PRKAR1B: variants seen among roughly 807,000 people sequenced by gnomAD.
The protein encoded by PRKAR1B is protein kinase cAMP-dependent type I regulatory subunit beta, also known as cAMP-dependent protein kinase type I-beta regulatory subunit.
Under a neutral mutation model 46.5 loss-of-function variants are expected in PRKAR1B, and 22 were observed. That is an observed-to-expected ratio of 0.47 (90% CI 0.34 to 0.68). PRKAR1B has a LOEUF of 0.68. Among genes scored for constraint, PRKAR1B ranks in the 30% least tolerant of loss-of-function variants. The pLI is 0.01. For synonymous variants in PRKAR1B, 259 were observed against 217.7 expected, an observed-to-expected ratio of 1.19 and a Z score of -1.67; for missense variants, 445 against 535.6, an observed-to-expected ratio of 0.83 and a Z score of 1.67.
At chr7:658,518 A>T (rs968996642) in intron 4 of PRKAR1B, among the ~76,000 whole-genome samples, 1 of 152,362 alleles carries the variant, frequency 6.6e-6, no homozygotes, top group African/African-American at 2.4e-5. Context: ...AAAATAGATC[A>T]GGGTCGGGAG....
chr7:657,016 G>C (rs1315893523), intron 4 of PRKAR1B, among the ~76,000 whole-genome samples: 2 of 151,284 alleles, frequency 1.3e-5, no homozygotes, highest in Admixed American at 1.3e-4. Context: ...TGGACGGATG[G>C]ATGGATGAAT....
At chr7:664,938 G>C (rs371983146) in intron 4 of PRKAR1B, among the ~76,000 whole-genome samples, 2 of 151,996 alleles carry the variant, frequency 1.3e-5, no homozygotes, top group African/African-American at 4.8e-5. Context: ...AAAAATCTCA[G>C]GGCACCAAAC....
intron 2 of PRKAR1B, among the ~76,000 whole-genome samples, chr7:693,767 G>T (rs971387140): frequency 6.6e-6 from 1 of 152,180 alleles, no homozygotes; most frequent in African/African-American, 2.4e-5. Flanking sequence ...GTACCTAGGA[G>T]TGGCACTGCT....
In PRKAR1B at chr7:680,013, CT is replaced by C. The variant is rs373464750; in HGVS notation, c.348+542del. Among the ~76,000 whole-genome samples the C allele has an allele frequency of 6.0e-3, 919 of 152,134 alleles. 8 individuals carry two copies. Among genetic ancestry groups the C allele is most frequent in the African/African-American group, 0.021 (852 of 41,484 alleles). On this transcript the variant is annotated intron_variant, in intron 3 of 10. Transcript: ENST00000537384. ...CTTTACTAAAAATACAAAAAATTAG[CT>C]GGGTGTGGTGGTAGGCACCTGTAGT...
At chr7:562,985 G>A (rs1226071667) in intron 9 of PRKAR1B, among the ~76,000 whole-genome samples, 2 of 152,176 alleles carry the variant, frequency 1.3e-5, no homozygotes, top group East Asian at 3.8e-4. Flanking sequence ...TACTGACCAG[G>A]GTGCTGGACA....
intron 7 of PRKAR1B, among the ~76,000 whole-genome samples, chr7:588,183 C>T (rs1489780191): frequency 3.3e-5 from 5 of 152,208 alleles, no homozygotes; most frequent in Admixed American, 3.3e-4. Context: ...GGCTTGAGCC[C>T]AACTTCCATG....
intron 6 of PRKAR1B, 140 bp from the exon 7 acceptor site, chr7:596,444 G>A: frequency 2.8e-6 from 3 of 1,064,934 alleles, no homozygotes; most frequent in East Asian, 2.6e-5. Flanking sequence ...CTTGTGGGCA[G>A]AGCCCTGCGT....
At chr7:562,460 A>G (rs1228794858) in intron 9 of PRKAR1B, among the ~76,000 whole-genome samples, 4 of 151,852 alleles carry the variant, frequency 2.6e-5, no homozygotes, top group African/African-American at 4.8e-5. Flanking sequence ...GACGGCAGAC[A>G]CCTCCCTCGG....
intron 7 of PRKAR1B, among the ~76,000 whole-genome samples, chr7:588,604 T>C (rs1415948887): frequency 8.6e-5 from 10 of 116,704 alleles, no homozygotes; most frequent in Non-Finnish European, 1.8e-4. Flanking sequence ...ACGGTGGTGA[T>C]GGTGATGGTG....
rs577588260 is a variant in PRKAR1B, at chr7:642,533, G to A, written c.440+34696C>T. ...GAGGTCAGGAGATCGAGACCATCCC[G>A]GCTAAAACGGTGAAACCCCGTCTCT... On this transcript the variant is annotated intron_variant, in intron 4 of 10. Coordinates refer to ENST00000537384, the MANE Select transcript of PRKAR1B (RefSeq NM_001164760.2). 4.4e-3 allele frequency among the ~76,000 whole-genome samples: 668 copies of A among 152,044 alleles called. 6 individuals are homozygous for A. The highest frequency in any genetic ancestry group is 7.7e-3 in the Non-Finnish European group (522 of 67,972).
intron 2 of PRKAR1B, among the ~76,000 whole-genome samples, chr7:705,416 C>T (rs570751481): frequency 1.3e-5 from 2 of 151,646 alleles, no homozygotes; most frequent in Non-Finnish European, 2.9e-5. Flanking sequence ...GCTGCCGATA[C>T]TGAGGAACAA....
At chr7:699,785 C>T (rs1484266595) in intron 2 of PRKAR1B, among the ~76,000 whole-genome samples, 1 of 152,114 alleles carries the variant, frequency 6.6e-6, no homozygotes, top group Non-Finnish European at 1.5e-5. Context: ...AGCCAGACCC[C>T]GTGAGGCAGG....
chr7:583,482 CACACACGT>C (rs1478012490), intron 8 of PRKAR1B, among the ~76,000 whole-genome samples: 1 of 110,268 alleles, frequency 9.1e-6, no homozygotes, highest in Non-Finnish European at 2.1e-5. Flanking sequence ...CACACCCACG[CACACACGT>C]GTGTGCACAC....
chr7:557,528 C>A (rs945585190), intron 9 of PRKAR1B, among the ~76,000 whole-genome samples: 1 of 152,300 alleles, frequency 6.6e-6, no homozygotes, highest in Non-Finnish European at 1.5e-5. Context: ...TGCCTGAGTC[C>A]GACAGCAGAA....
chr7:553,413 C>T (rs1784373158), intron 9 of PRKAR1B, among the ~76,000 whole-genome samples: 2 of 152,218 alleles, frequency 1.3e-5, no homozygotes, highest in Admixed American at 6.5e-5. Flanking sequence ...CAGGGCCCCG[C>T]GTCTGCCGCA....
chr7:720,508 T>C lies in PRKAR1B; in HGVS notation c.-23+6702A>G, dbSNP rs376957938. Among the ~76,000 whole-genome samples, 41 of 152,350 alleles carry C rather than the reference T, an allele frequency of 2.7e-4. No homozygotes were observed. In the South Asian group the frequency reaches 7.7e-3, roughly 28 times the overall value. On this transcript the variant is annotated intron_variant, in intron 1 of 10. Transcript: ENST00000537384. ...GCAAACGTCAATTAGATCCTGTTGG[T>C]TGATGGTGTTGCTCTGCTATACCTT...
intron 6 of PRKAR1B, among the ~76,000 whole-genome samples, chr7:600,422 T>A (rs1781523485): frequency 6.6e-6 from 1 of 151,566 alleles, no homozygotes; most frequent in Non-Finnish European, 1.5e-5. Flanking sequence ...AGCCCAGGAG[T>A]TCAAGGCTGC....
Position 666,704 on chromosome 7 carries a change from C to T in PRKAR1B, c.440+10525G>A, listed in dbSNP as rs1206589155. Among the ~76,000 whole-genome samples, 2 of 152,210 alleles carry T rather than the reference C, an allele frequency of 1.3e-5. No homozygotes were observed. The highest frequency in any genetic ancestry group is 1.5e-5 in the Non-Finnish European group (1 of 68,028). On this transcript the variant is annotated intron_variant, in intron 4 of 10. Transcript: ENST00000537384. The surrounding 1 kb of genome is among the most constrained non-coding windows in gnomAD (Gnocchi z 4.9). ...GGGATCTTCCTGCTGACTGTGGGTG[C>T]TGGGAGGCCCGGAGCGGCCTATTCA... is the stretch of plus-strand genomic sequence containing the variant.
intron 4 of PRKAR1B, among the ~76,000 whole-genome samples, chr7:633,701 G>C (rs920444517): frequency 6.6e-6 from 1 of 152,184 alleles, no homozygotes; most frequent in African/African-American, 2.4e-5. Flanking sequence ...ATGCTGGGAC[G>C]CAGGTTGGGC....
Sources: allele counts gnomAD v4.1 joint callset (sites outside exome capture counted in the v4.1 genomes callset), GRCh38; gene constraint gnomAD v4.1.1; non-coding constraint Gnocchi (gnomAD v3.1); transcripts MANE v1.5; gene names NCBI Gene and HGNC (gene_info 2026-07-23, HGNC 2026-07-21).